Variants in AGMO observed in about 807,000 individuals in gnomAD.
The protein encoded by AGMO is glyceryl-ether monooxygenase.
A neutral mutation model predicts 60.2 loss-of-function variants in AGMO; 75 were observed. The observed-to-expected ratio is 1.25, with a 90% confidence interval of 1.03 to 1.51. The LOEUF is 1.51. AGMO is among the 40% of genes most tolerant of loss of function. The pLI, the probability that AGMO is intolerant of heterozygous loss-of-function variation, is 0.00. For missense variants in AGMO, 763 were observed against 525.5 expected (o/e 1.45, Z -4.42); for synonymous variants, 261 against 177.1 (o/e 1.47, Z -3.76).
At chr7:15,220,999 C>G (rs1449947737) in intron 12 of AGMO, among the ~76,000 whole-genome samples, 1 of 152,000 alleles carries the variant, frequency 6.6e-6, no homozygotes, top group Non-Finnish European at 1.5e-5. Flanking sequence ...AGTTGGAAGA[C>G]TAGGAAAATA....
At chr7:15,135,162 TTG>T in the AGMO span, among the ~76,000 whole-genome samples, 414 of 102,062 alleles carry the variant, frequency 4.1e-3, 2 homozygotes, top group African/African-American at 0.014. Flanking sequence ...TTATATGAGT[TTG>T]TGTGTGTGTG....
intron 12 of AGMO, among the ~76,000 whole-genome samples, chr7:15,237,495 T>A (rs1782460657): frequency 6.6e-6 from 1 of 152,094 alleles, no homozygotes; most frequent in South Asian, 2.1e-4. Flanking sequence ...TGTTTTTTTT[T>A]TCTTGGCCAA....
At chr7:15,352,977 G>C (rs755808479) in intron 12 of AGMO, among the ~76,000 whole-genome samples, 7 of 152,084 alleles carry the variant, frequency 4.6e-5, no homozygotes, top group African/African-American at 7.2e-5. Context: ...TGCATGGGGA[G>C]TGTCGGATGC....
intron 3 of AGMO, among the ~76,000 whole-genome samples, chr7:15,480,302 T>C (rs1222006203): frequency 6.6e-6 from 1 of 152,166 alleles, no homozygotes; most frequent in African/African-American, 2.4e-5. Context: ...TAAGGACATC[T>C]TCAGGTTGAG....
chr7:15,403,952 T>C (rs1339321800), intron 5 of AGMO, among the ~76,000 whole-genome samples: 1 of 151,968 alleles, frequency 6.6e-6, no homozygotes, highest in East Asian at 1.9e-4. Context: ...TTTGAAATGC[T>C]GGACAAATGC....
intron 3 of AGMO, among the ~76,000 whole-genome samples, chr7:15,525,126 C>T (rs1784091235): frequency 6.6e-6 from 1 of 152,040 alleles, no homozygotes; most frequent in Non-Finnish European, 1.5e-5. Context: ...TCAGGCACAG[C>T]AACTGAGAAG....
At chr7:15,136,101 C>A in the AGMO span, among the ~76,000 whole-genome samples, 22 of 148,344 alleles carry the variant, frequency 1.5e-4, no homozygotes, top group Non-Finnish European at 5.9e-5. Flanking sequence ...TCAAGCGATT[C>A]TCCTGCCTCA....
intron 12 of AGMO, among the ~76,000 whole-genome samples, chr7:15,339,776 G>T (rs1781777766): frequency 6.6e-6 from 1 of 152,104 alleles, no homozygotes; most frequent in African/African-American, 2.4e-5. Context: ...CCTGTGTTCA[G>T]CTACCATTAA....
At chr7:15,175,680 A>G in the AGMO span, among the ~76,000 whole-genome samples, 1 of 151,862 alleles carries the variant, frequency 6.6e-6, no homozygotes, top group African/African-American at 2.4e-5. Context: ...TTTAAAACAC[A>G]ATTTTTAAAT....
At chr7:15,301,450 A>C (rs1231248949) in intron 12 of AGMO, among the ~76,000 whole-genome samples, 1 of 152,122 alleles carries the variant, frequency 6.6e-6, no homozygotes, top group Non-Finnish European at 1.5e-5. Flanking sequence ...GGAAAAAAAA[A>C]AGAAAGCAAA....
chr7:15,305,101 C>G (rs892189326), intron 12 of AGMO, among the ~76,000 whole-genome samples: 1 of 151,706 alleles, frequency 6.6e-6, no homozygotes, highest in Non-Finnish European at 1.5e-5. Context: ...TATCCAGTAA[C>G]TTGTGGTAGC....
intron 12 of AGMO, among the ~76,000 whole-genome samples, chr7:15,340,816 G>C (rs1300333423): frequency 2.6e-5 from 4 of 152,134 alleles, no homozygotes; most frequent in Non-Finnish European, 5.9e-5. Context: ...GGAAATGTGG[G>C]GTTGGTGCCC....
At chr7:15,125,034 A>T in the AGMO span, among the ~76,000 whole-genome samples, 2 of 151,714 alleles carry the variant, frequency 1.3e-5, no homozygotes, top group African/African-American at 4.8e-5. Context: ...AGGTTAAAAC[A>T]GTATTTTTGG....
intron 12 of AGMO, among the ~76,000 whole-genome samples, chr7:15,301,012 G>T (rs1351766412): frequency 6.6e-6 from 1 of 151,932 alleles, no homozygotes; most frequent in African/African-American, 2.4e-5. Context: ...CTTTCTACTG[G>T]AGAACATAAG....
chr7:15,458,993 A>C (rs1467428559), intron 3 of AGMO, among the ~76,000 whole-genome samples: 1 of 152,322 alleles, frequency 6.6e-6, no homozygotes, highest in East Asian at 1.9e-4. Context: ...AATATGAGCA[A>C]TTTCAAATAG....
chr7:15,548,353 C>A (rs530048421), intron 2 of AGMO, among the ~76,000 whole-genome samples: 43 of 151,486 alleles, frequency 2.8e-4, no homozygotes, highest in Non-Finnish European at 4.7e-4. Context: ...AGGCTTCAGA[C>A]GATCAAATTA....
chr7:15,160,208 A>C, the AGMO span, among the ~76,000 whole-genome samples: 411 of 152,284 alleles, frequency 2.7e-3, no homozygotes, highest in African/African-American at 9.2e-3. Flanking sequence ...GAATTTTAAC[A>C]TTAACACCTG....
chr7:15,519,312 C>G (rs560767501), intron 3 of AGMO, among the ~76,000 whole-genome samples: 1 of 150,796 alleles, frequency 6.6e-6, no homozygotes, highest in Non-Finnish European at 1.5e-5. Context: ...GAGAACACCA[C>G]AAAGATTAGC....
chr7:15,269,264 AAT>A (rs1783524458), intron 12 of AGMO, among the ~76,000 whole-genome samples: 2 of 152,120 alleles, frequency 1.3e-5, no homozygotes, highest in South Asian at 2.1e-4. Flanking sequence ...CATGGATATC[AAT>A]AGTCTTTTCT....
Sources: gnomAD v4.1 joint callset for allele counts (sites outside exome capture counted in the v4.1 genomes callset) on GRCh38, gnomAD v4.1.1 for gene constraint, MANE v1.5 for transcripts, NCBI Gene and HGNC (gene_info 2026-07-23, HGNC 2026-07-21) for gene names.